The following ZNF496 variants were observed in gnomAD, a reference collection of about 807,000 sequenced individuals.
ZNF496 encodes NSD1 (nuclear receptor binding SET-domain containing 1)-interacting zinc finger protein 1.
In ZNF496, 11 loss-of-function variants were observed where a neutral mutation model predicts 58.9. The observed-to-expected ratio is 0.19, with a 90% CI of 0.12 to 0.31. The LOEUF (loss-of-function observed/expected upper bound fraction) is 0.31. Ranked by LOEUF, ZNF496 falls within the 10% of genes least tolerant of loss-of-function variation. The pLI, the probability that ZNF496 is intolerant of heterozygous loss-of-function variation, is 1.00. For synonymous variants in ZNF496, 338 were observed against 318.2 expected (o/e 1.06, Z -0.66); for missense variants, 660 against 783.0 (o/e 0.84, Z 1.88).
chr1:247,317,999 G>A (rs1173963912), intron 6 of ZNF496, among the ~76,000 whole-genome samples: 1 of 152,168 alleles, frequency 6.6e-6, no homozygotes, highest in Non-Finnish European at 1.5e-5. Context: ...AATAGAAAGT[G>A]TCTGTAAAGA....
chr1:247,329,718 T>C lies in ZNF496; in HGVS notation c.-37-103A>G. 2 of 1,127,918 alleles carry C rather than the reference T, an allele frequency of 1.8e-6. No individual in the cohort carries two copies. The highest frequency in any genetic ancestry group is 2.5e-6 in the Non-Finnish European group (2 of 808,950). The allele number at this position is 1,127,918 out of a possible 1,614,324, so 69.9% of individuals were successfully genotyped here. Reference sequence around the variant, plus strand: ...TGTCAATGCCCTCAGAGACCAGCCCTTTGGAGAAGCCCTGGGAAAGGTAGG... The same window carrying C: ...TGTCAATGCCCTCAGAGACCAGCCCCTTGGAGAAGCCCTGGGAAAGGTAGG... On this transcript the variant is annotated intron_variant, in intron 3 of 9. Coordinates refer to ENST00000682384, the MANE Select transcript of ZNF496 (RefSeq NM_032752.3). This position sits in a 1 kb window ranked among gnomAD's most constrained non-coding sequence, Gnocchi z 5.5.
rs201857728 is a variant in ZNF496, at chr1:247,311,086, GA to G, written c.652-631del. The G allele has an allele frequency of 4.4e-3, 677 of 152,760 alleles. 28 individuals are homozygous for G. The highest frequency in any genetic ancestry group is 0.04 in the Admixed American group (612 of 15,354). The allele number at this position is 152,760 out of a possible 1,614,324, so 9.5% of individuals were successfully genotyped here. The stretch of plus-strand genomic sequence containing the variant: ...CTCTCCAGCTGTGAACCTGTGAAAT[GA>G]AACAAGTTATGTGCCTTCCAAATAG... On this transcript the variant is annotated intron_variant, in intron 6 of 9. Transcript: ENST00000682384.
intron 6 of ZNF496, among the ~76,000 whole-genome samples, chr1:247,319,238 T>G (rs1659879011): frequency 6.6e-6 from 1 of 152,246 alleles, no homozygotes; most frequent in South Asian, 2.1e-4. Context: ...TCCTCCCACC[T>G]TGGCCTCTCA....
At chr1:247,326,786 T>C (rs1198097614) in intron 5 of ZNF496, among the ~76,000 whole-genome samples, 3 of 152,068 alleles carry the variant, frequency 2.0e-5, no homozygotes, top group Admixed American at 6.5e-5. Context: ...CCTAATCCAA[T>C]AGGACTGGTG....
intron 9 of ZNF496, among the ~76,000 whole-genome samples, chr1:247,306,539 C>T (rs898579904): frequency 2.1e-5 from 3 of 144,108 alleles, no homozygotes; most frequent in African/African-American, 5.1e-5. Context: ...GACAGACTCT[C>T]GCTCTGTTGT....
intron 5 of ZNF496, among the ~76,000 whole-genome samples, chr1:247,328,367 G>C (rs1660207403): frequency 6.6e-6 from 1 of 152,136 alleles, no homozygotes; most frequent in Non-Finnish European, 1.5e-5. Flanking sequence ...GCAGTCCCCA[G>C]CTGTCATCAA....
chr1:247,322,382 A>C (rs1347353451), intron 6 of ZNF496, among the ~76,000 whole-genome samples: 3 of 152,240 alleles, frequency 2.0e-5, no homozygotes, highest in African/African-American at 7.2e-5. Flanking sequence ...AAGAGTGTCT[A>C]CTGTTTTTCA....
chr1:247,330,347 T>G (rs1660280787), intron 2 of ZNF496, among the ~76,000 whole-genome samples: 1 of 152,176 alleles, frequency 6.6e-6, no homozygotes, highest in Admixed American at 6.5e-5. Flanking sequence ...GCCCTGACCT[T>G]CAACCTCGCC....
chr1:247,325,569 C>T (rs1161518682), intron 5 of ZNF496, among the ~76,000 whole-genome samples: 1 of 152,138 alleles, frequency 6.6e-6, no homozygotes, highest in Non-Finnish European at 1.5e-5. Context: ...CATTATTTTT[C>T]ATCAACCTCA....
chr1:247,326,969 A>G (rs564369830), intron 5 of ZNF496, among the ~76,000 whole-genome samples: 24 of 152,280 alleles, frequency 1.6e-4, no homozygotes, highest in African/African-American at 5.8e-4. Context: ...GTCCTGGCAC[A>G]AAGCTTGTTG....
intron 5 of ZNF496, among the ~76,000 whole-genome samples, chr1:247,327,462 G>A (rs897203770): frequency 6.6e-6 from 1 of 152,222 alleles, no homozygotes; most frequent in Non-Finnish European, 1.5e-5. Flanking sequence ...ACCCAAGGCT[G>A]CTGATACATT....
intron 6 of ZNF496, chr1:247,322,711 G>A (rs1315904581): frequency 1.6e-6 from 2 of 1,289,468 alleles, no homozygotes; most frequent in South Asian, 1.2e-5. Flanking sequence ...GTAGATCTGT[G>A]ACAGGACTGA....
In ZNF496 at chr1:247,298,306, T is replaced by G. The variant is rs1287945048; in HGVS notation, c.*2213A>C. On this transcript the variant is annotated 3_prime_UTR_variant, in exon 10 of 10. Transcript: ENST00000682384. Reference sequence around the variant, plus strand: ...CAGCAGTTGTGGTTATAAAATCTTTTAACGAGTTTGGGGCAGAGGCTTTTT... The same window carrying G: ...CAGCAGTTGTGGTTATAAAATCTTTGAACGAGTTTGGGGCAGAGGCTTTTT... 6.6e-6 allele frequency: 1 copy of G among 152,244 alleles called. No individual in the cohort carries two copies. Among genetic ancestry groups the G allele is most frequent in the African/African-American group, 2.4e-5 (1 of 41,460 alleles). 9.4% of individuals were successfully genotyped at this position (152,244 alleles called of 1,614,324 possible).
intron 5 of ZNF496, 111 bp from the exon 6 acceptor site, chr1:247,323,341 CACAAGAGAG>C (rs1660020182): frequency 1.4e-6 from 1 of 717,020 alleles, no homozygotes; most frequent in South Asian, 1.8e-5. Context: ...CAAAGAAAAT[CACAAGAGAG>C]GCACCAACAG....
At chr1:247,310,287 C>A in intron 7 of ZNF496, 37 bp downstream of exon 7, 1 of 1,613,294 alleles carries the variant, frequency 6.2e-7, no homozygotes, top group Non-Finnish European at 8.5e-7. Context: ...CTGCCCAGTT[C>A]CCTGGTCTTG....
intron 5 of ZNF496, among the ~76,000 whole-genome samples, chr1:247,327,534 A>G (rs1304833813): frequency 6.6e-6 from 1 of 152,240 alleles, no homozygotes; most frequent in Non-Finnish European, 1.5e-5. Context: ...TAAGGCATCC[A>G]GTCTGTGGTA....
chr1:247,309,842 G>C lies in ZNF496; in HGVS notation c.785-36C>G. The C allele has an allele frequency of 6.2e-7, 1 of 1,607,974 alleles. No homozygotes were observed. Among genetic ancestry groups the C allele is most frequent in the Non-Finnish European group, 8.5e-7 (1 of 1,175,160 alleles). On this transcript the variant is annotated intron_variant, in intron 7 of 9. Transcript: ENST00000682384. The surrounding 1 kb of genome is among the most constrained non-coding windows in gnomAD (Gnocchi z 4.3). Reference sequence around the variant, plus strand: ...AAAAAGGCAGGGTACATGTTTATTAGTAATCTGATCCTGCAGCAACCAGGG... The same window carrying C: ...AAAAAGGCAGGGTACATGTTTATTACTAATCTGATCCTGCAGCAACCAGGG...
rs566846474 is a variant in ZNF496, at chr1:247,302,657, G to A, written c.1007-1381C>T. Among the ~76,000 whole-genome samples, 10 of 152,206 alleles carry A rather than the reference G, an allele frequency of 6.6e-5. No individual in the cohort carries two copies. In the East Asian group the frequency reaches 1.6e-3, roughly 24 times the overall value. On this transcript the variant is annotated intron_variant, in intron 9 of 9. Transcript: ENST00000682384. ...CGCCCGCCGAGAGGCTATGTTTGACGCTTATCTCGACTCTTGGTTTTCGAG... is the reference window on the plus strand; with the variant it reads ...CGCCCGCCGAGAGGCTATGTTTGACACTTATCTCGACTCTTGGTTTTCGAG...
chr1:247,308,463 A>G lies in ZNF496; in HGVS notation c.1006+12T>C. 6.2e-7 allele frequency: 1 copy of G among 1,612,440 alleles called. No individual in the cohort carries two copies. Among genetic ancestry groups the G allele is most frequent in the East Asian group, 2.2e-5 (1 of 44,844 alleles). On this transcript the variant is annotated intron_variant, in intron 9 of 9. Coordinates refer to ENST00000682384, the MANE Select transcript of ZNF496 (RefSeq NM_032752.3). The surrounding 1 kb of genome is among the most constrained non-coding windows in gnomAD (Gnocchi z 4.5). ...ACAGGGACAAACCCATACCTCCCTG[A>G]CCCTTCTTTACCTGGGTAGGTGTTT...
Sources: allele counts gnomAD v4.1 joint callset (sites outside exome capture counted in the v4.1 genomes callset), GRCh38; gene constraint gnomAD v4.1.1; non-coding constraint Gnocchi (gnomAD v3.1); transcripts MANE v1.5; gene names NCBI Gene and HGNC (gene_info 2026-07-23, HGNC 2026-07-21).